The following CALR variants were observed in gnomAD, a reference collection of about 807,000 sequenced individuals.
The protein encoded by CALR is CRP55.
A neutral mutation model predicts 51.1 loss-of-function variants in CALR; 15 were observed. The observed-to-expected ratio is 0.29, with a 90% CI of 0.20 to 0.45. CALR has a LOEUF of 0.45. CALR is among the 20% of genes least tolerant of loss of function. The pLI is 1.00. For missense variants in CALR, 477 were observed against 530.6 expected, an observed-to-expected ratio of 0.90 and a Z score of 0.99; for synonymous variants, 239 against 205.9, an observed-to-expected ratio of 1.16 and a Z score of -1.38.
Position 12,940,661 on chromosome 19 carries a change from T to A in CALR, c.816+7T>A, listed in dbSNP as rs773495787. 2 of 1,613,986 alleles carry A rather than the reference T, an allele frequency of 1.2e-6. No homozygotes were observed. The highest frequency in any genetic ancestry group is 1.7e-6 in the Non-Finnish European group (2 of 1,179,876). On this transcript the variant is annotated splice_region_variant and intron_variant, in intron 6 of 8. Coordinates refer to ENST00000316448, the MANE Select transcript of CALR (RefSeq NM_004343.4). ...TCAGAACCCTGAGTACAAGGTGAGT[T>A]TGGGGCTCTGAGCAGGGCTGGGGCT...
rs550353351 is a variant in CALR at position 12,943,835 on chromosome 19, T to TGAGGATGAG, written c.1191_1199dup (p.Glu398_Asp400dup). Reference sequence around the variant, plus strand: ...ACAAGGAGGATGATGAGGACAAAGATGAGGATGAGGAGGATGAGGAGGACA... The same window carrying TGAGGATGAG: ...ACAAGGAGGATGATGAGGACAAAGATGAGGATGAGGAGGATGAGGAGGATGAGGAGGACA... On this transcript the variant is annotated inframe_insertion, in exon 9 of 9. Coordinates refer to ENST00000316448, the MANE Select transcript of CALR (RefSeq NM_004343.4). The TGAGGATGAG allele has an allele frequency of 1.4e-5, 22 of 1,579,330 alleles. No individual in the cohort carries two copies. Among genetic ancestry groups the TGAGGATGAG allele is most frequent in the Admixed American group, 9.3e-5 (5 of 53,542 alleles).
chr19:12,941,398 C>T (rs1434990918), intron 7 of CALR, among the ~76,000 whole-genome samples: 6 of 151,718 alleles, frequency 4.0e-5, no homozygotes, highest in East Asian at 3.9e-4. Flanking sequence ...TGGTTTCAAG[C>T]GATTCTCCTG....
rs776407451 is a variant in CALR, at chr19:12,938,815, G to A, written c.91+45G>A. The A allele has an allele frequency of 4.2e-6, 6 of 1,416,018 alleles. No individual in the cohort carries two copies. In the South Asian group the frequency reaches 7.2e-5, roughly 17 times the overall value. The allele number at this position is 1,416,018 out of a possible 1,614,324, so 87.7% of individuals were successfully genotyped here. A position where few individuals can be genotyped will look rare whatever the true frequency, so the allele number is the denominator to read the frequency against. ...CGAGGCCGCCCCGACGACGCGGCCG[G>A]CCCCCGATCCTGGATCTGCGTTGTC... On this transcript the variant is annotated intron_variant, in intron 1 of 8. Transcript: ENST00000316448.
Position 12,938,643 on chromosome 19 carries a change from T to C in CALR, c.-37T>C, listed in dbSNP as rs769124051. On this transcript the variant is annotated 5_prime_UTR_variant, in exon 1 of 9. Coordinates refer to ENST00000316448, the MANE Select transcript of CALR (RefSeq NM_004343.4). ...GCAGAGCCGCTGCCGGAGGGTCGTT[T>C]TAAAGGGCCCGCGCGTTGCCGCCCC... is the stretch of plus-strand genomic sequence containing the variant. The C allele has an allele frequency of 6.5e-7, 1 of 1,545,812 alleles. No individual in the cohort carries two copies. The highest frequency in any genetic ancestry group is 1.2e-5 in the South Asian group (1 of 86,876).
chr19:12,938,810 G>A, intron 1 of CALR, 40 bp downstream of exon 1: 1 of 1,462,278 alleles, frequency 6.8e-7, no homozygotes, highest in Non-Finnish European at 9.5e-7. Context: ...CCGACGACGC[G>A]GCCGGCCCCC....
intron 7 of CALR, among the ~76,000 whole-genome samples, chr19:12,942,097 C>T (rs939738258): frequency 6.6e-6 from 1 of 151,854 alleles, no homozygotes; most frequent in African/African-American, 2.4e-5. Context: ...CAGTGGCTCA[C>T]ACCTGTAATC....
Position 12,939,438 on chromosome 19 carries a change from A to C in CALR, c.204A>C (p.Thr68=). Reference sequence around the variant, plus strand: ...ACCGTCCCGTCTCAGGTTTGCAGACAAGCCAGGATGCACGCTTTTATGCTC... The same window carrying C: ...ACCGTCCCGTCTCAGGTTTGCAGACCAGCCAGGATGCACGCTTTTATGCTC... The part of the protein sequence containing the change: ...GDEEKDKGLQ[T]SQDARFYALS... The change falls in exon 3 of 9, where the codon ACA becomes ACC. Residue 68 remains threonine (T), a synonymous_variant. Transcript: ENST00000316448. The C allele has an allele frequency of 6.2e-7, 1 of 1,612,384 alleles. No homozygotes were observed. The highest frequency in any genetic ancestry group is 2.2e-4 in the Middle Eastern group (1 of 4,592).
At chr19:12,942,463 T>C (rs1971561958) in intron 7 of CALR, among the ~76,000 whole-genome samples, 1 of 150,928 alleles carries the variant, frequency 6.6e-6, no homozygotes, top group Non-Finnish European at 1.5e-5. Context: ...ACCTGAAAAA[T>C]ACCTGAATAA....
Position 12,940,528 on chromosome 19 carries a change from A to C in CALR, c.703-13A>C, listed in dbSNP as rs769602728. On this transcript the variant is annotated splice_polypyrimidine_tract_variant and intron_variant, in intron 5 of 8. Coordinates refer to ENST00000316448, the MANE Select transcript of CALR (RefSeq NM_004343.4). ...CATCTGGGCCAACTCTGATCTCTTC[A>C]TCTACCCCCCAGGACTGGGACAAGC... 2 of 1,613,794 alleles carry C rather than the reference A, an allele frequency of 1.2e-6. No homozygotes were observed. The highest frequency in any genetic ancestry group is 2.7e-5 in the African/African-American group (2 of 75,030).
Position 12,940,355 on chromosome 19 carries a change from TC to T in CALR, c.607del (p.Leu203CysfsTer6), listed in dbSNP as rs1468810845. 1 of 1,614,144 alleles carries T rather than the reference TC, an allele frequency of 6.2e-7. No homozygotes were observed. On this transcript the variant is annotated frameshift_variant, in exon 5 of 9. Transcript: ENST00000316448. LOFTEE classifies it high-confidence loss of function. ...GGCTCCTTGGAAGACGATTGGGACT[TC>T]CTGCCACCCAAGAAGATAAAGGATC... ...ESGSLEDDWDFLPPKKIKDPD... is the reference protein window; with the variant it reads ...ESGSLEDDWDXLPPKKIKDPD...
intron 1 of CALR, 25 bp downstream of exon 1, chr19:12,938,795 C>A: frequency 6.4e-7 from 1 of 1,551,808 alleles, no homozygotes. Flanking sequence ...CGCCTCGAGG[C>A]CGCCCCGACG....
At chr19:12,941,555 T>G (rs888534820) in intron 7 of CALR, among the ~76,000 whole-genome samples, 37 of 146,976 alleles carry the variant, frequency 2.5e-4, no homozygotes, top group Admixed American at 4.9e-4. Flanking sequence ...CACTGCAAGC[T>G]CCGCACGACC....
At position 12,939,411 on chromosome 19, in the gene CALR, C is replaced by A. The variant is rs201933478; in HGVS notation, c.194-17C>A. The A allele has an allele frequency of 6.2e-7, 1 of 1,611,934 alleles. No individual in the cohort carries two copies. The highest frequency in any genetic ancestry group is 2.2e-5 in the East Asian group (1 of 44,886). Reference sequence around the variant, plus strand: ...GAGTCAAGGCCCAACGGTGACCTCACTACCGTCCCGTCTCAGGTTTGCAGA... The same window carrying A: ...GAGTCAAGGCCCAACGGTGACCTCAATACCGTCCCGTCTCAGGTTTGCAGA... On this transcript the variant is annotated splice_polypyrimidine_tract_variant and intron_variant, in intron 2 of 8. Transcript: ENST00000316448.
At chr19:12,939,020 G>GA in intron 1 of CALR, 114 bp from the exon 2 acceptor site, 1 of 743,800 alleles carries the variant, frequency 1.3e-6, no homozygotes, top group East Asian at 2.7e-5. Context: ...TTGGAATGGG[G>GA]AGTGTCGGGG....
rs1186367212 is a variant in CALR at position 12,944,479 on chromosome 19, T to C, written c.*566T>C. The C allele has an allele frequency of 5.8e-6, 1 of 172,486 alleles. No individual in the cohort carries two copies. The highest frequency in any genetic ancestry group is 1.2e-5 in the Non-Finnish European group (1 of 80,074). 10.7% of individuals were successfully genotyped at this position (172,486 alleles called of 1,614,324 possible). A position where few individuals can be genotyped will look rare whatever the true frequency, so the allele number is the denominator to read the frequency against. On this transcript the variant is annotated 3_prime_UTR_variant, in exon 9 of 9. Coordinates refer to ENST00000316448, the MANE Select transcript of CALR (RefSeq NM_004343.4). ...CAAACAAAATTTCTATTAAATTAAA[T>C]TTTGTGTCTCCCTCCTGTGTCTCCT... is the stretch of plus-strand genomic sequence containing the variant.
Position 12,944,225 on chromosome 19 carries a change from T to TG in CALR, c.*318dup. The TG allele has an allele frequency of 4.2e-6, 2 of 476,668 alleles. No individual in the cohort carries two copies. The highest frequency in any genetic ancestry group is 2.2e-5 in the South Asian group (1 of 45,920). 29.5% of individuals were successfully genotyped at this position (476,668 alleles called of 1,614,324 possible). A position where few individuals can be genotyped will look rare whatever the true frequency, so the allele number is the denominator to read the frequency against. On this transcript the variant is annotated 3_prime_UTR_variant, in exon 9 of 9. Coordinates refer to ENST00000316448, the MANE Select transcript of CALR (RefSeq NM_004343.4). ...CTCATCTCTTAGCTCCCCTCCAACCTGGGGGGCAGTGGTGTGGAGAAGCCA... is the reference window on the plus strand; with the variant it reads ...CTCATCTCTTAGCTCCCCTCCAACCTGGGGGGGCAGTGGTGTGGAGAAGCCA...
rs758904907 is a variant in CALR, at chr19:12,943,613, C to T, written c.1037C>T (p.Thr346Met). ...EAYAEEFGNE[T>M]WGVTKAAEKQ... ...TACGCTGAGGAGTTTGGCAACGAGA[C>T]GTGGGGCGTAACAAAGGTGAGGCCT... The change falls in exon 8 of 9, where the codon ACG (threonine) becomes ATG (methionine). Residue 346 changes from threonine (T) to methionine (M), a missense_variant. Physicochemically the swap from Thr to Met is moderately conservative, Grantham distance 81. Transcript: ENST00000316448. The T allele has an allele frequency of 9.9e-6, 16 of 1,613,962 alleles. No homozygotes were observed. The highest frequency in any genetic ancestry group is 6.7e-5 in the East Asian group (3 of 44,894).
At chr19:12,942,859 C>T (rs1971567401) in intron 7 of CALR, among the ~76,000 whole-genome samples, 2 of 151,360 alleles carry the variant, frequency 1.3e-5, no homozygotes, top group African/African-American at 4.9e-5. Flanking sequence ...CAGATTCAAG[C>T]GATTCTCCTG....
chr19:12,943,485 A>T, intron 7 of CALR, 52 bp from the exon 8 acceptor site: 9 of 1,535,996 alleles, frequency 5.9e-6, no homozygotes, highest in Non-Finnish European at 8.1e-6. Flanking sequence ...CCCTGTCCAA[A>T]GCAAGGGCTA....
Sources: allele counts gnomAD v4.1 joint callset (sites outside exome capture counted in the v4.1 genomes callset), GRCh38; gene constraint gnomAD v4.1.1; transcripts MANE v1.5; gene names NCBI Gene and HGNC (gene_info 2026-07-23, HGNC 2026-07-21).